Variants in RSF1 observed in about 807,000 individuals in gnomAD.
RSF1 encodes the protein HBV pX-associated protein 8.
Under a neutral mutation model 145.2 loss-of-function variants are expected in RSF1, and 13 were observed. The observed-to-expected ratio is 0.09, with a 90% confidence interval of 0.06 to 0.14. The LOEUF (loss-of-function observed/expected upper bound fraction) is 0.14. Among genes scored for constraint, RSF1 ranks in the 10% least tolerant of loss-of-function variants. The pLI, the probability that RSF1 is intolerant of heterozygous loss-of-function variation, is 1.00. For synonymous variants in RSF1, 577 were observed against 592.6 expected (o/e 0.97, Z 0.38); for missense variants, 1,517 against 1,718.2 (o/e 0.88, Z 2.07).
intron 2 of RSF1, among the ~76,000 whole-genome samples, chr11:77,758,563 G>A (rs975914716): frequency 1.3e-5 from 2 of 152,066 alleles, no homozygotes; most frequent in Non-Finnish European, 2.9e-5. Context: ...ACACTCTCAC[G>A]AAGAATTTAG....
chr11:77,676,149 A>T (rs1959695376), intron 13 of RSF1, among the ~76,000 whole-genome samples: 1 of 152,174 alleles, frequency 6.6e-6, no homozygotes, highest in African/African-American at 2.4e-5. Flanking sequence ...TGTTGATTCC[A>T]AATACTCATT....
rs372523129 is a variant in RSF1 at position 77,685,094 on chromosome 11, C to T, written c.2955+11G>A. 1.3e-6 allele frequency: 2 copies of T among 1,499,536 alleles called. No homozygotes were observed. Among genetic ancestry groups the T allele is most frequent in the East Asian group, 2.4e-5 (1 of 41,296 alleles). The allele number at this position is 1,499,536 out of a possible 1,614,324, so 92.9% of individuals were successfully genotyped here. The stretch of plus-strand genomic sequence containing the variant: ...TCTCCCATTTAAAAACATTACAAAT[C>T]AGAAACTTACTTGTGGAGGAATGAT... On this transcript the variant is annotated intron_variant, in intron 10 of 15. Coordinates refer to ENST00000308488, the MANE Select transcript of RSF1 (RefSeq NM_016578.4).
rs12275616 is a variant in RSF1, at chr11:77,770,387, G to A, written c.188-5698C>T. 7.0e-3 allele frequency among the ~76,000 whole-genome samples: 1,059 copies of A among 152,282 alleles called. 14 individuals are homozygous for A. The highest frequency in any genetic ancestry group is 0.024 in the African/African-American group (997 of 41,552). ...TGAGAATTGCTTGAACCTGGGAGGC[G>A]GAGGATGCAGTGAGCCCAGATCGTG... On this transcript the variant is annotated intron_variant, in intron 1 of 15. Transcript: ENST00000308488.
At chr11:77,750,131 A>G (rs1156717776) in intron 2 of RSF1, among the ~76,000 whole-genome samples, 1 of 152,160 alleles carries the variant, frequency 6.6e-6, no homozygotes, top group East Asian at 1.9e-4. Flanking sequence ...TTAGCTATGC[A>G]CAAAACAGCT....
At chr11:77,679,779 T>A (rs1302696354) in intron 11 of RSF1, among the ~76,000 whole-genome samples, 1 of 152,114 alleles carries the variant, frequency 6.6e-6, no homozygotes, top group Non-Finnish European at 1.5e-5. Context: ...GGTTAAAATT[T>A]TAGAACTAGG....
chr11:77,780,043 T>C (rs1053327232), intron 1 of RSF1, among the ~76,000 whole-genome samples: 2 of 152,216 alleles, frequency 1.3e-5, no homozygotes, highest in Non-Finnish European at 2.9e-5. Context: ...ATGCTGGGTG[T>C]TCCCAAATGA....
chr11:77,858,282 C>T, the RSF1 span, among the ~76,000 whole-genome samples: 23 of 148,680 alleles, frequency 1.5e-4, no homozygotes, highest in African/African-American at 5.5e-4. Flanking sequence ...ACAACCTCCA[C>T]CTCCTGCGTT....
chr11:77,837,157 A>C, the RSF1 span, among the ~76,000 whole-genome samples: 1 of 151,890 alleles, frequency 6.6e-6, no homozygotes, highest in Non-Finnish European at 1.5e-5. Flanking sequence ...GTTTTTTGAG[A>C]CGTAGTCTCG....
At chr11:77,694,143 CA>C (rs1265971242) in intron 7 of RSF1, among the ~76,000 whole-genome samples, 1 of 152,104 alleles carries the variant, frequency 6.6e-6, no homozygotes, top group Non-Finnish European at 1.5e-5. Context: ...TTAAAAATAA[CA>C]AGGCCTTTCT....
intron 11 of RSF1, among the ~76,000 whole-genome samples, chr11:77,680,071 G>A (rs1360048161): frequency 6.6e-6 from 1 of 152,100 alleles, no homozygotes; most frequent in African/African-American, 2.4e-5. Context: ...CAAAGAAATA[G>A]ATTCTATTTC....
At chr11:77,678,399 TAG>T in intron 11 of RSF1, among the ~76,000 whole-genome samples, 1 of 152,156 alleles carries the variant, frequency 6.6e-6, no homozygotes, top group Admixed American at 6.5e-5. Flanking sequence ...GTACTTTTAG[TAG>T]AGACAGGGTT....
intron 1 of RSF1, among the ~76,000 whole-genome samples, chr11:77,809,754 A>G (rs116852135): frequency 0.014 from 2,159 of 152,312 alleles, 20 homozygotes; most frequent in Non-Finnish European, 0.024. Context: ...CTGATTAATC[A>G]AAGTTTTCCA....
intron 1 of RSF1, among the ~76,000 whole-genome samples, chr11:77,801,128 A>G (rs541073932): frequency 6.6e-6 from 1 of 152,192 alleles, no homozygotes; most frequent in African/African-American, 2.4e-5. Context: ...CCTTGTATAT[A>G]TAAGAATACA....
upstream of RSF1, chr11:77,821,015 C>G (rs1227961241): frequency 1.9e-5 from 9 of 468,346 alleles, no homozygotes; most frequent in Non-Finnish European, 3.0e-5. Flanking sequence ...GGAATGAAAA[C>G]AAGGGAAGCG....
chr11:77,771,899 G>A (rs1948289421), intron 1 of RSF1, among the ~76,000 whole-genome samples: 1 of 152,190 alleles, frequency 6.6e-6, no homozygotes, highest in Non-Finnish European at 1.5e-5. Flanking sequence ...TAAGGCTGTG[G>A]TGCAGAGATG....
At chr11:77,865,131 T>C in the RSF1 span, among the ~76,000 whole-genome samples, 1 of 152,216 alleles carries the variant, frequency 6.6e-6, no homozygotes, top group Non-Finnish European at 1.5e-5. Flanking sequence ...CTAATGTGGT[T>C]GAGTCCCCAA....
At chr11:77,821,104 C>T (rs533066981), upstream of RSF1, 90 of 446,412 alleles carry the variant, frequency 2.0e-4, no homozygotes, top group Middle Eastern at 4.7e-3. Flanking sequence ...GGGGCGGGGC[C>T]TCGGGCGCTG....
intron 5 of RSF1, among the ~76,000 whole-genome samples, chr11:77,723,324 G>A (rs141321489): frequency 6.6e-6 from 1 of 152,234 alleles, no homozygotes; most frequent in Non-Finnish European, 1.5e-5. Flanking sequence ...AGCTGGGCCT[G>A]ATGGCACATG....
intron 3 of RSF1, among the ~76,000 whole-genome samples, chr11:77,741,217 T>C (rs530448990): frequency 1.3e-5 from 2 of 152,312 alleles, no homozygotes; most frequent in Admixed American, 1.3e-4. Flanking sequence ...CCGTTTGCAC[T>C]AAAAACTCCC....
Sources: gnomAD v4.1 joint callset for allele counts (sites outside exome capture counted in the v4.1 genomes callset) on GRCh38, gnomAD v4.1.1 for gene constraint, MANE v1.5 for transcripts, NCBI Gene and HGNC (gene_info 2026-07-23, HGNC 2026-07-21) for gene names.